Variants in GRIP1 observed in about 807,000 individuals in gnomAD.
The protein encoded by GRIP1 is glutamate receptor interacting protein 1.
In GRIP1, 45 loss-of-function variants were observed where a neutral mutation model predicts 129.9. That is an observed-to-expected ratio of 0.35 (90% CI 0.27 to 0.44). The LOEUF (loss-of-function observed/expected upper bound fraction) is 0.44. Among genes scored for constraint, GRIP1 ranks in the 20% least tolerant of loss-of-function variants. The pLI, the probability that GRIP1 is intolerant of heterozygous loss-of-function variation, is 1.00. For synonymous variants in GRIP1, 530 were observed against 520.8 expected, an observed-to-expected ratio of 1.02 and a Z score of -0.24; for missense variants, 1,196 against 1,396.8, an observed-to-expected ratio of 0.86 and a Z score of 2.29.
chr12:66,889,229 G>A (rs943817818), intron 1 of GRIP1, among the ~76,000 whole-genome samples: 2 of 152,208 alleles, frequency 1.3e-5, no homozygotes, highest in Non-Finnish European at 2.9e-5. Context: ...GGAGGCCGAG[G>A]CAGGTGGCTT....
chr12:66,412,531 C>A (rs1377608188), intron 15 of GRIP1, among the ~76,000 whole-genome samples: 1 of 152,194 alleles, frequency 6.6e-6, no homozygotes, highest in African/African-American at 2.4e-5. Flanking sequence ...CAAAAACACA[C>A]TGAAATGCAC....
chr12:66,989,150 T>A (rs2042357757), intron 1 of GRIP1, among the ~76,000 whole-genome samples: 1 of 152,208 alleles, frequency 6.6e-6, no homozygotes, highest in Non-Finnish European at 1.5e-5. Flanking sequence ...TCTAAAGCTG[T>A]CATTCCCAAG....
At chr12:67,016,073 T>G (rs368780593) in intron 1 of GRIP1, among the ~76,000 whole-genome samples, 1 of 152,238 alleles carries the variant, frequency 6.6e-6, no homozygotes. Flanking sequence ...AAGTCCTTCA[T>G]GTCATTTGTA....
intron 1 of GRIP1, among the ~76,000 whole-genome samples, chr12:66,797,065 T>C (rs1218525223): frequency 6.6e-6 from 1 of 152,172 alleles, no homozygotes; most frequent in African/African-American, 2.4e-5. Flanking sequence ...TGTAAGATTA[T>C]GTAATAGTTA....
At chr12:66,381,063 G>C (rs1290458833) in intron 19 of GRIP1, among the ~76,000 whole-genome samples, 1 of 152,034 alleles carries the variant, frequency 6.6e-6, no homozygotes, top group Non-Finnish European at 1.5e-5. Context: ...TTTGCTACTA[G>C]TTTAAAGCCC....
At chr12:66,651,848 G>GA (rs981391214) in intron 1 of GRIP1, among the ~76,000 whole-genome samples, 17 of 151,142 alleles carry the variant, frequency 1.1e-4, no homozygotes, top group Non-Finnish European at 8.8e-5. Context: ...TTTAATTAAG[G>GA]AAAAAAATAC....
intron 24 of GRIP1, among the ~76,000 whole-genome samples, chr12:66,351,819 G>T (rs1211313477): frequency 6.6e-6 from 1 of 152,126 alleles, no homozygotes. Flanking sequence ...AATCACTGGG[G>T]GAGGTGTAAA....
rs189778288 is a variant in GRIP1 at position 66,366,922 on chromosome 12, G to A, written c.3012+4772C>T. ...TGGCCTCTAACTTGTGGGCTCAAGC[G>A]ATCCTCTTGCACTGGCCTCCCAAAG... On this transcript the variant is annotated intron_variant, in intron 23 of 24. Coordinates refer to ENST00000359742, the MANE Select transcript of GRIP1 (RefSeq NM_001366722.1). 5.3e-4 allele frequency among the ~76,000 whole-genome samples: 80 copies of A among 152,236 alleles called. 1 individual carries two copies. Among genetic ancestry groups the A allele is most frequent in the East Asian group, 2.1e-3 (11 of 5,170 alleles).
intron 1 of GRIP1, among the ~76,000 whole-genome samples, chr12:66,819,574 C>T (rs1177888303): frequency 6.6e-6 from 1 of 152,144 alleles, no homozygotes; most frequent in Non-Finnish European, 1.5e-5. Context: ...TGCATTGCTA[C>T]ATTAAACCAC....
intron 7 of GRIP1, among the ~76,000 whole-genome samples, chr12:66,495,797 A>G (rs2060223163): frequency 1.3e-5 from 2 of 152,196 alleles, no homozygotes; most frequent in Non-Finnish European, 2.9e-5. Context: ...AAGGAACTCA[A>G]CAGATGCACT....
intron 1 of GRIP1, among the ~76,000 whole-genome samples, chr12:67,060,136 T>G (rs2043507268): frequency 6.6e-6 from 1 of 152,186 alleles, no homozygotes; most frequent in African/African-American, 2.4e-5. Flanking sequence ...GTGCTAATAC[T>G]GGGTTTTGTA....
intron 1 of GRIP1, among the ~76,000 whole-genome samples, chr12:66,698,704 T>A (rs1180629078): frequency 6.6e-6 from 1 of 152,084 alleles, no homozygotes; most frequent in African/African-American, 2.4e-5. Flanking sequence ...TCCCACCCCA[T>A]CCCCTCCAGA....
intron 1 of GRIP1, among the ~76,000 whole-genome samples, chr12:67,042,933 G>A (rs1167729208): frequency 6.6e-6 from 1 of 152,202 alleles, no homozygotes; most frequent in Non-Finnish European, 1.5e-5. Context: ...AAGCAGAGAA[G>A]AGCTTCACAT....
intron 1 of GRIP1, among the ~76,000 whole-genome samples, chr12:66,634,998 T>C (rs1047456039): frequency 6.6e-6 from 1 of 152,240 alleles, no homozygotes; most frequent in African/African-American, 2.4e-5. Flanking sequence ...TTTTTCTCCT[T>C]CAACAAATAT....
chr12:66,584,373 A>G (rs916524242), intron 2 of GRIP1, among the ~76,000 whole-genome samples: 1 of 151,950 alleles, frequency 6.6e-6, no homozygotes, highest in African/African-American at 2.4e-5. Flanking sequence ...TAACCTGCAC[A>G]TTGTGCACAT....
At chr12:66,659,813 C>T (rs989543433) in intron 1 of GRIP1, among the ~76,000 whole-genome samples, 1 of 152,076 alleles carries the variant, frequency 6.6e-6, no homozygotes, top group African/African-American at 2.4e-5. Flanking sequence ...TGACTTGTTG[C>T]CATGCAATTC....
In GRIP1 at chr12:66,596,856, T is replaced by C; in HGVS notation, c.127A>G (p.Ser43Gly). The change falls in exon 2 of 25, where the codon AGC becomes GGC. Residue 43 changes from serine (S) to glycine (G), a missense_variant. Physicochemically the swap from Ser to Gly is moderately conservative, Grantham distance 56. This residue lies in a region of GRIP1 where 217 missense variants were observed against 224.8 expected (regional missense o/e 0.97). Coordinates refer to ENST00000359742, the MANE Select transcript of GRIP1 (RefSeq NM_001366722.1). ...AACAGTCTGGTCTAACCTGGGATGC[T>C]CTGTCTCCTCACAGCCAACGCTCCA... The part of the protein sequence containing the change: ...PDGALAVRRQ[S>G]IPEEFKGSTV... 6.2e-7 allele frequency: 1 copy of C among 1,610,964 alleles called. No individual in the cohort carries two copies. Among genetic ancestry groups the C allele is most frequent in the East Asian group, 2.2e-5 (1 of 44,852 alleles).
chr12:66,821,093 A>C (rs921386747), intron 1 of GRIP1, among the ~76,000 whole-genome samples: 2 of 152,180 alleles, frequency 1.3e-5, no homozygotes, highest in Admixed American at 1.3e-4. Flanking sequence ...AGAATGTTGT[A>C]TATCTATAGG....
rs777749628 is a variant in GRIP1, at chr12:66,455,598, C to T, written c.1199-34G>A. 1.1e-5 allele frequency: 18 copies of T among 1,605,676 alleles called. No homozygotes were observed. The East Asian group carries it at 1.8e-4, about 16-fold the overall frequency. On this transcript the variant is annotated intron_variant, in intron 10 of 24. Coordinates refer to ENST00000359742, the MANE Select transcript of GRIP1 (RefSeq NM_001366722.1). Reference sequence around the variant, plus strand: ...GAGTGAAGACGTTGCACAGAGCACTCTCAGGTGAGGTGTGAGCCCGCCACA... The same window carrying T: ...GAGTGAAGACGTTGCACAGAGCACTTTCAGGTGAGGTGTGAGCCCGCCACA...
Sources: allele counts gnomAD v4.1 joint callset (sites outside exome capture counted in the v4.1 genomes callset), GRCh38; gene constraint gnomAD v4.1.1; regional missense constraint gnomAD v4.1.1; transcripts MANE v1.5; gene names NCBI Gene and HGNC (gene_info 2026-07-23, HGNC 2026-07-21).